Variants in TRHDE observed in about 807,000 individuals in gnomAD.
TRHDE encodes the protein thyrotropin releasing hormone degrading enzyme.
Under a neutral mutation model 125.7 loss-of-function variants are expected in TRHDE, and 72 were observed. That is an observed-to-expected ratio of 0.57 (90% CI 0.47 to 0.70). The LOEUF (loss-of-function observed/expected upper bound fraction) is 0.70, where lower values mean the gene tolerates loss of function less well. TRHDE is among the 30% of genes least tolerant of loss of function. The pLI, the probability that TRHDE is intolerant of heterozygous loss-of-function variation, is 0.00. For synonymous variants in TRHDE, 509 were observed against 509.1 expected, an observed-to-expected ratio of 1.00 and a Z score of 0.00; for missense variants, 1,110 against 1,327.1, an observed-to-expected ratio of 0.84 and a Z score of 2.54.
intron 5 of TRHDE, among the ~76,000 whole-genome samples, chr12:72,481,886 C>T (rs979394394): frequency 2.0e-5 from 3 of 151,874 alleles, no homozygotes; most frequent in Admixed American, 6.6e-5. Context: ...CCCTTAGCAC[C>T]CACTTCAAAA....
At chr12:72,575,064 T>C (rs1870926850) in intron 10 of TRHDE, among the ~76,000 whole-genome samples, 191 bp from the exon 11 acceptor site, 1 of 151,306 alleles carries the variant, frequency 6.6e-6, no homozygotes, top group African/African-American at 2.5e-5. Flanking sequence ...GAGATGATAG[T>C]GAGTAACCAA....
intron 12 of TRHDE, among the ~76,000 whole-genome samples, chr12:72,598,065 T>C (rs1037723663): frequency 2.0e-5 from 3 of 151,914 alleles, no homozygotes; most frequent in African/African-American, 7.2e-5. Context: ...AAATTGATTA[T>C]GTAACATACC....
intron 12 of TRHDE, among the ~76,000 whole-genome samples, chr12:72,612,301 A>G (rs1406351868): frequency 6.6e-6 from 1 of 152,082 alleles, no homozygotes; most frequent in African/African-American, 2.4e-5. Flanking sequence ...TTCTTTCCCT[A>G]ACCCTGCTTG....
At chr12:72,160,463 T>A (rs1228606398) in intron 2 of TRHDE, among the ~76,000 whole-genome samples, 2 of 152,034 alleles carry the variant, frequency 1.3e-5, no homozygotes, top group African/African-American at 4.8e-5. Context: ...GGCGCGTGGA[T>A]CACCTGAGGT....
chr12:72,565,966 C>A (rs1329098230), intron 9 of TRHDE, among the ~76,000 whole-genome samples: 1 of 151,928 alleles, frequency 6.6e-6, no homozygotes, highest in Admixed American at 6.6e-5. Flanking sequence ...TTTCTAATAT[C>A]TTTTTAAACA....
chr12:72,380,830 T>C (rs1331847054), intron 3 of TRHDE, among the ~76,000 whole-genome samples: 5 of 131,004 alleles, frequency 3.8e-5, no homozygotes, highest in African/African-American at 1.1e-4. Flanking sequence ...TCCCTCCCTC[T>C]CTCCCTCCCT....
chr12:72,439,998 C>T (rs1478939948), intron 3 of TRHDE, among the ~76,000 whole-genome samples: 3 of 151,884 alleles, frequency 2.0e-5, no homozygotes, highest in African/African-American at 7.3e-5. Context: ...TATGCTCTTT[C>T]TGCATCTATT....
chr12:72,212,789 C>A (rs1282794222), intron 2 of TRHDE, among the ~76,000 whole-genome samples: 1 of 152,074 alleles, frequency 6.6e-6, no homozygotes, highest in Non-Finnish European at 1.5e-5. Context: ...CCTTAAAATG[C>A]TAAACATAGA....
chr12:72,089,867 A>G (rs11613279), intron 1 of TRHDE, among the ~76,000 whole-genome samples: 21,785 of 152,238 alleles, frequency 0.14, 2,175 homozygotes, highest in Non-Finnish European at 0.22. Context: ...CTAAGAACCT[A>G]GTATGGTGCT....
intron 9 of TRHDE, among the ~76,000 whole-genome samples, chr12:72,568,190 A>T (rs1274767019): frequency 1.3e-5 from 2 of 152,108 alleles, no homozygotes; most frequent in Non-Finnish European, 2.9e-5. Flanking sequence ...AGCCACTGAA[A>T]TGTGTCTTAA....
rs148577049 is a variant in TRHDE, at chr12:72,374,292, A to AGTGTGTGTGT, written c.1189-3671_1189-3662dup. ...AGGTGGGAAAGATTTTAGAAGGAGA[A>AGTGTGTGTGT]GTGTGTGTGTGTGTGTGTGTGTGTG... On this transcript the variant is annotated intron_variant, in intron 2 of 18. Coordinates refer to ENST00000261180, the MANE Select transcript of TRHDE (RefSeq NM_013381.3). Among the ~76,000 whole-genome samples the AGTGTGTGTGT allele has an allele frequency of 1.8e-3, 237 of 134,096 alleles. 3 individuals are homozygous for AGTGTGTGTGT. Among genetic ancestry groups the AGTGTGTGTGT allele is most frequent in the East Asian group, 0.012 (55 of 4,576 alleles). The allele number at this position is 134,096 out of a possible 152,430, so 88.0% of individuals were successfully genotyped here.
chr12:72,454,494 C>G (rs947107063), intron 3 of TRHDE, among the ~76,000 whole-genome samples: 2 of 152,100 alleles, frequency 1.3e-5, no homozygotes, highest in Non-Finnish European at 2.9e-5. Context: ...GTTCATGGAC[C>G]TTGATACATG....
chr12:72,187,007 C>A (rs1877230340), intron 2 of TRHDE, among the ~76,000 whole-genome samples: 1 of 152,000 alleles, frequency 6.6e-6, no homozygotes, highest in South Asian at 2.1e-4. Flanking sequence ...CAGAAGCTCA[C>A]AGTTTAGATG....
chr12:72,339,961 G>A (rs1870006875), intron 2 of TRHDE, among the ~76,000 whole-genome samples: 1 of 152,146 alleles, frequency 6.6e-6, no homozygotes, highest in African/African-American at 2.4e-5. Flanking sequence ...TTCTTACCTC[G>A]ATTTGTGACA....
intron 2 of TRHDE, among the ~76,000 whole-genome samples, chr12:72,135,055 G>T (rs1057464702): frequency 3.3e-5 from 5 of 151,786 alleles, no homozygotes; most frequent in Admixed American, 6.6e-5. Context: ...AAAAAGAAAA[G>T]ACAAGGATGT....
chr12:72,589,423 G>A (rs1871578581), intron 12 of TRHDE, among the ~76,000 whole-genome samples: 1 of 152,158 alleles, frequency 6.6e-6, no homozygotes, highest in East Asian at 1.9e-4. Context: ...GTGCCATGGT[G>A]GTTTGCTGCA....
chr12:72,179,667 C>G (rs1349445390), intron 2 of TRHDE, among the ~76,000 whole-genome samples: 1 of 152,008 alleles, frequency 6.6e-6, no homozygotes, highest in Admixed American at 6.6e-5. Context: ...TCATGTATGG[C>G]TTTTTTGCTT....
chr12:72,623,019 A>C (rs975963599), intron 15 of TRHDE, among the ~76,000 whole-genome samples: 1 of 152,014 alleles, frequency 6.6e-6, no homozygotes, highest in African/African-American at 2.4e-5. Flanking sequence ...TAAAATTTTC[A>C]AGATTTTTTG....
intron 2 of TRHDE, among the ~76,000 whole-genome samples, chr12:72,344,143 T>C (rs1001013404): frequency 6.6e-6 from 1 of 152,126 alleles, no homozygotes; most frequent in African/African-American, 2.4e-5. Context: ...ACCCAAAATA[T>C]ATTATGGCTT....
Sources: allele counts gnomAD v4.1 joint callset (sites outside exome capture counted in the v4.1 genomes callset), GRCh38; gene constraint gnomAD v4.1.1; transcripts MANE v1.5; gene names NCBI Gene and HGNC (gene_info 2026-07-23, HGNC 2026-07-21).